The following APC variants were observed in gnomAD, a reference collection of about 807,000 sequenced individuals.
APC encodes APC regulator of Wnt signaling pathway.
A neutral mutation model predicts 247.0 loss-of-function variants in APC; 72 were observed. The ratio of observed to expected loss-of-function variants is 0.29; its 90% CI spans 0.24 to 0.35. The LOEUF (loss-of-function observed/expected upper bound fraction) is 0.35, where lower values mean the gene tolerates loss of function less well. Ranked by LOEUF, APC falls within the 10% of genes least tolerant of loss-of-function variation. The pLI is 1.00. For synonymous variants in APC, 1,254 were observed against 1,162.5 expected (o/e 1.08, Z -1.60); for missense variants, 3,400 against 3,360.7 (o/e 1.01, Z -0.29).
Position 112,840,359 on chromosome 5 carries a change from C to T in APC, c.4765C>T (p.Arg1589Cys), listed in dbSNP as rs72541813. The part of the protein sequence containing the change: ...IISAMPTKSS[R>C]KAKKPAQTAS... ...TTCTGCCATGCCAACAAAGTCATCA[C>T]GTAAAGCAAAAAAGCCAGCCCAGAC... Residue 1589 changes from arginine (R) to cysteine (C), a missense_variant, in exon 16 of 16, where the codon CGT (arginine) becomes TGT (cysteine). Transcript: ENST00000257430. This position sits in a 1 kb window ranked among gnomAD's most constrained non-coding sequence, Gnocchi z 4.1. 4.4e-5 allele frequency: 71 copies of T among 1,614,028 alleles called. No individual in the cohort carries two copies. Among genetic ancestry groups the T allele is most frequent in the African/African-American group, 6.7e-5 (5 of 74,918 alleles).
At chr5:112,786,851 CT>C (rs547858696) in intron 6 of APC, among the ~76,000 whole-genome samples, 341 of 145,658 alleles carry the variant, frequency 2.3e-3, no homozygotes, top group Non-Finnish European at 3.7e-3. Flanking sequence ...CATATGGTCT[CT>C]TTTGCAACTA....
intron 9 of APC, among the ~76,000 whole-genome samples, chr5:112,817,945 A>AATTT (rs1762674823): frequency 6.6e-6 from 1 of 152,196 alleles, no homozygotes; most frequent in African/African-American, 2.4e-5. Context: ...TTCATATCTA[A>AATTT]AGGTGTATGT....
At chr5:112,780,944 A>G (rs762437012) in intron 6 of APC, 41 bp downstream of exon 6, 9 of 1,287,206 alleles carry the variant, frequency 7.0e-6, no homozygotes, top group African/African-American at 3.0e-5. Flanking sequence ...GCGAAGAGCT[A>G]TTAGGAATAA....
Position 112,829,013 on chromosome 5 carries a change from G to A in APC, c.1743+41G>A, listed in dbSNP as rs781312064. ...TTTAGTACTATAATATGAATTTCATGTTTGGCTTTTTTTTGCTGCCTTCTT... is the reference window on the plus strand; with the variant it reads ...TTTAGTACTATAATATGAATTTCATATTTGGCTTTTTTTTGCTGCCTTCTT... On this transcript the variant is annotated intron_variant, in intron 14 of 15. Coordinates refer to ENST00000257430, the MANE Select transcript of APC (RefSeq NM_000038.6). 5.5e-6 allele frequency: 8 copies of A among 1,457,530 alleles called. No homozygotes were observed. The Admixed American group carries it at 1.3e-4, about 24-fold the overall frequency. 90.3% of individuals were successfully genotyped at this position (1,457,530 alleles called of 1,614,324 possible).
In APC at chr5:112,840,024, A is replaced by G. The variant is rs1479009365; in HGVS notation, c.4430A>G (p.Gln1477Arg). The G allele has an allele frequency of 3.1e-6, 5 of 1,614,178 alleles. No homozygotes were observed. In the Admixed American group the frequency reaches 8.3e-5, roughly 27 times the overall value. Residue 1477 changes from glutamine (Q) to arginine (R), a missense_variant, in exon 16 of 16, where the codon CAG (glutamine) becomes CGG (arginine). Physicochemically the swap from Gln to Arg is conservative, Grantham distance 43. This residue lies in a region of APC where 1,788 missense variants were observed against 1,649.5 expected (regional missense o/e 1.08). Transcript: ENST00000257430. This position sits in a 1 kb window ranked among gnomAD's most constrained non-coding sequence, Gnocchi z 4.1. ...PKQAAVNAAV[Q>R]RVQVLPDADT... Reference sequence around the variant, plus strand: ...CAAGCTGCAGTAAATGCTGCAGTTCAGAGGGTCCAGGTTCTTCCAGATGCT... The same window carrying G: ...CAAGCTGCAGTAAATGCTGCAGTTCGGAGGGTCCAGGTTCTTCCAGATGCT...
At chr5:112,708,182 T>A (rs921393466) in intron 1 of APC, among the ~76,000 whole-genome samples, 1 of 152,212 alleles carries the variant, frequency 6.6e-6, no homozygotes, top group Non-Finnish European at 1.5e-5. Context: ...GGGTGGGTCG[T>A]CCGCCCTTCC....
At chr5:112,820,523 C>G (rs1381461873) in intron 10 of APC, among the ~76,000 whole-genome samples, 1 of 152,004 alleles carries the variant, frequency 6.6e-6, no homozygotes, top group Non-Finnish European at 1.5e-5. Flanking sequence ...AAAGGGATTG[C>G]CTTTCATATC....
rs2149663832 is a variant in APC at position 112,786,345 on chromosome 5, A to G, written c.645+5442A>G. Among the ~76,000 whole-genome samples the G allele has an allele frequency of 2.0e-5, 3 of 152,286 alleles. No homozygotes were observed. In the South Asian group the frequency reaches 6.2e-4, roughly 32 times the overall value. On this transcript the variant is annotated intron_variant, in intron 6 of 15. Transcript: ENST00000257430. ...GTAAAACACAGATGACTAGTAAATA[A>G]TTTAGGAAAACTCAAAATCCACTTG...
intron 1 of APC, among the ~76,000 whole-genome samples, chr5:112,711,372 A>G (rs891695177): frequency 1.3e-5 from 2 of 152,212 alleles, no homozygotes; most frequent in African/African-American, 4.8e-5. Flanking sequence ...GTCTTCCACA[A>G]AACCATTCCC....
rs1766673977 is a variant in APC, at chr5:112,843,778, G to C, written c.8184G>C (p.Val2728=). ...ATCGCCTGAACTCCTTTATTCAGGT[G>C]GATGCCCCTGACCAAAAAGGAACTG... The part of the protein sequence containing the change: ...LENRLNSFIQ[V]DAPDQKGTEI... Residue 2728 remains valine, a synonymous_variant, in exon 16 of 16, where the codon GTG becomes GTC. Transcript: ENST00000257430. The surrounding 1 kb of genome is among the most constrained non-coding windows in gnomAD (Gnocchi z 4.8). 1 of 1,613,972 alleles carries C rather than the reference G, an allele frequency of 6.2e-7. No individual in the cohort carries two copies. Among genetic ancestry groups the C allele is most frequent in the Non-Finnish European group, 8.5e-7 (1 of 1,179,882 alleles).
chr5:112,782,158 G>T (rs554673776), intron 6 of APC, among the ~76,000 whole-genome samples: 2 of 152,322 alleles, frequency 1.3e-5, no homozygotes, highest in East Asian at 3.9e-4. Flanking sequence ...AAGGCAAGGA[G>T]GAACAAGTCA....
At chr5:112,741,459 C>T (rs967124861) in intron 1 of APC, among the ~76,000 whole-genome samples, 1 of 152,118 alleles carries the variant, frequency 6.6e-6, no homozygotes, top group Non-Finnish European at 1.5e-5. Flanking sequence ...TCAAATCATA[C>T]ATCATCAGTT....
intron 3 of APC, 86 bp downstream of exon 3, chr5:112,766,496 G>C: frequency 2.4e-6 from 2 of 817,202 alleles, no homozygotes; most frequent in South Asian, 1.5e-5. Flanking sequence ...AGCTTCTCTC[G>C]ATTTGGGTGT....
intron 1 of APC, among the ~76,000 whole-genome samples, chr5:112,725,891 C>T (rs554175873): frequency 6.6e-6 from 1 of 152,322 alleles, no homozygotes; most frequent in South Asian, 2.1e-4. Flanking sequence ...AAAGCCCTTA[C>T]CGTAGTATAT....
intron 7 of APC, among the ~76,000 whole-genome samples, chr5:112,797,582 T>C (rs1017920499): frequency 6.6e-6 from 1 of 152,234 alleles, no homozygotes; most frequent in Non-Finnish European, 1.5e-5. Context: ...CAACCAGTGC[T>C]GTGACTTTCT....
intron 6 of APC, 132 bp from the exon 7 acceptor site, chr5:112,792,312 ATT>A: frequency 1.7e-6 from 1 of 589,666 alleles, no homozygotes; most frequent in South Asian, 2.2e-5. Flanking sequence ...GGGTGAATAT[ATT>A]TATATGTCTA....
At chr5:112,752,283 G>A (rs1233170408) in intron 1 of APC, among the ~76,000 whole-genome samples, 1 of 152,072 alleles carries the variant, frequency 6.6e-6, no homozygotes, top group Non-Finnish European at 1.5e-5. Flanking sequence ...ATGTAAAAAA[G>A]AAGTGATCTC....
intron 8 of APC, among the ~76,000 whole-genome samples, chr5:112,807,929 C>T (rs570290134): frequency 7.9e-5 from 12 of 151,918 alleles, no homozygotes; most frequent in Non-Finnish European, 1.6e-4. Context: ...CCGGGGTGAG[C>T]GGATCACTTG....
At chr5:112,723,531 A>C (rs1012483356) in intron 1 of APC, among the ~76,000 whole-genome samples, 1 of 152,180 alleles carries the variant, frequency 6.6e-6, no homozygotes, top group Non-Finnish European at 1.5e-5. Context: ...CACTGTGCTA[A>C]ACCTGTTGTG....
Sources: allele counts gnomAD v4.1 joint callset (sites outside exome capture counted in the v4.1 genomes callset), GRCh38; gene constraint gnomAD v4.1.1; regional missense constraint gnomAD v4.1.1; non-coding constraint Gnocchi (gnomAD v3.1); transcripts MANE v1.5; gene names NCBI Gene and HGNC (gene_info 2026-07-23, HGNC 2026-07-21).